The following MAP2K5 variants were observed in gnomAD, a reference collection of about 807,000 sequenced individuals.
MAP2K5 encodes mitogen-activated protein kinase kinase 5, also known as dual specificity mitogen-activated protein kinase kinase 5.
A neutral mutation model predicts 83.1 loss-of-function variants in MAP2K5; 49 were observed. The ratio of observed to expected loss-of-function variants is 0.59; its 90% CI spans 0.47 to 0.75. The LOEUF is 0.75. Among genes scored for constraint, MAP2K5 ranks in the 30% least tolerant of loss-of-function variants. The pLI, the probability that MAP2K5 is intolerant of heterozygous loss-of-function variation, is 0.00. For synonymous variants in MAP2K5, 202 were observed against 191.8 expected (o/e 1.05, Z -0.44); for missense variants, 457 against 557.5 (o/e 0.82, Z 1.82).
intron 7 of MAP2K5, among the ~76,000 whole-genome samples, chr15:67,599,448 A>T (rs929936543): frequency 1.3e-5 from 2 of 152,172 alleles, no homozygotes; most frequent in Non-Finnish European, 2.9e-5. Flanking sequence ...CCTGCATTGT[A>T]CTCCTAATTA....
At chr15:67,687,992 G>A (rs2087999219) in intron 13 of MAP2K5, among the ~76,000 whole-genome samples, 1 of 152,140 alleles carries the variant, frequency 6.6e-6, no homozygotes. Flanking sequence ...ATCTGAGCTG[G>A]GGGGTATTGC....
At chr15:67,686,642 T>TAATAATAATAATAATAATAAC (rs869154734) in intron 13 of MAP2K5, among the ~76,000 whole-genome samples, 3 of 124,856 alleles carry the variant, frequency 2.4e-5, no homozygotes, top group African/African-American at 5.9e-5. Context: ...ATAATAATAA[T>TAATAATAATAATAATAATAAC]AACATGTTGT....
At chr15:67,788,971 CAAA>C (rs58657384) in intron 21 of MAP2K5, among the ~76,000 whole-genome samples, 122 of 129,508 alleles carry the variant, frequency 9.4e-4, no homozygotes, top group East Asian at 3.2e-3. Flanking sequence ...GACCCTGTCT[CAAA>C]AAAAAAAAAA....
chr15:67,560,253 G>A (rs781584953), intron 2 of MAP2K5, among the ~76,000 whole-genome samples: 5 of 152,224 alleles, frequency 3.3e-5, no homozygotes, highest in African/African-American at 7.2e-5. Flanking sequence ...CCATCAAGGG[G>A]TCAGAGACAG....
chr15:67,674,521 A>G (rs138089792), intron 13 of MAP2K5, among the ~76,000 whole-genome samples: 1 of 152,322 alleles, frequency 6.6e-6, no homozygotes, highest in East Asian at 1.9e-4. Context: ...CTCTGACTCT[A>G]GGTTGTTGGT....
intron 8 of MAP2K5, among the ~76,000 whole-genome samples, chr15:67,611,464 A>G (rs763077003): frequency 3.3e-5 from 5 of 152,172 alleles, no homozygotes; most frequent in Non-Finnish European, 5.9e-5. Flanking sequence ...TGGAGTCTCA[A>G]GTGAAATGTT....
At chr15:67,685,081 T>G (rs139820111) in intron 13 of MAP2K5, among the ~76,000 whole-genome samples, 1 of 152,190 alleles carries the variant, frequency 6.6e-6, no homozygotes, top group Non-Finnish European at 1.5e-5. Flanking sequence ...TGGTGAAGCC[T>G]GTAAGTCCAC....
intron 8 of MAP2K5, among the ~76,000 whole-genome samples, chr15:67,601,025 A>AT (rs948362545): frequency 6.6e-6 from 1 of 151,852 alleles, no homozygotes; most frequent in Non-Finnish European, 1.5e-5. Flanking sequence ...AGTTTAATGC[A>AT]TTTTTTTCCT....
chr15:67,800,151 C>T (rs188133731), intron 21 of MAP2K5, among the ~76,000 whole-genome samples: 1 of 152,318 alleles, frequency 6.6e-6, no homozygotes, highest in East Asian at 1.9e-4. Flanking sequence ...GTCAGCAATT[C>T]AGCAGACAGT....
chr15:67,600,005 A>G (rs1358121185), intron 7 of MAP2K5, among the ~76,000 whole-genome samples: 2 of 152,142 alleles, frequency 1.3e-5, no homozygotes, highest in Non-Finnish European at 2.9e-5. Flanking sequence ...TTATATATAA[A>G]GTTACGAAAA....
rs1373601949 is a variant in MAP2K5 at position 67,758,910 on chromosome 15, G to A, written c.1134+10309G>A. Reference sequence around the variant, plus strand: ...AAAGGAAGAGGTTTTTTATACAGCTGTGAAAGAAGACAACTTAGCATTGCA... The same window carrying A: ...AAAGGAAGAGGTTTTTTATACAGCTATGAAAGAAGACAACTTAGCATTGCA... On this transcript the variant is annotated intron_variant, in intron 19 of 21. Coordinates refer to ENST00000178640, the MANE Select transcript of MAP2K5 (RefSeq NM_145160.3). This position sits in a 1 kb window ranked among gnomAD's most constrained non-coding sequence, Gnocchi z 4.7. 6.6e-6 allele frequency among the ~76,000 whole-genome samples: 1 copy of A among 152,158 alleles called. No individual in the cohort carries two copies. Among genetic ancestry groups the A allele is most frequent in the African/African-American group, 2.4e-5 (1 of 41,424 alleles).
intron 16 of MAP2K5, among the ~76,000 whole-genome samples, chr15:67,725,739 G>A (rs997806932): frequency 2.6e-5 from 4 of 152,200 alleles, no homozygotes; most frequent in South Asian, 2.1e-4. Context: ...ACAGATCACT[G>A]TGATACCTGT....
intron 7 of MAP2K5, among the ~76,000 whole-genome samples, chr15:67,598,549 G>T: frequency 6.6e-6 from 1 of 152,186 alleles, no homozygotes; most frequent in East Asian, 1.9e-4. Context: ...CCTGTGCCCT[G>T]ACAGTGTTGG....
chr15:67,589,516 C>T (rs534472109), intron 6 of MAP2K5, among the ~76,000 whole-genome samples: 23 of 152,164 alleles, frequency 1.5e-4, no homozygotes, highest in Non-Finnish European at 2.8e-4. Flanking sequence ...ATTAAACTTT[C>T]CATCTATCTA....
At chr15:67,663,554 T>G (rs2087292862) in intron 12 of MAP2K5, among the ~76,000 whole-genome samples, 1 of 152,170 alleles carries the variant, frequency 6.6e-6, no homozygotes. Context: ...ACCCACTGCC[T>G]TATTTCATTA....
intron 11 of MAP2K5, among the ~76,000 whole-genome samples, chr15:67,648,698 C>T (rs926845506): frequency 2.6e-5 from 4 of 151,912 alleles, no homozygotes; most frequent in Admixed American, 2.0e-4. Context: ...GATTCTCCTG[C>T]CTCAGCCTCC....
At chr15:67,554,825 A>C (rs2084591160) in intron 2 of MAP2K5, among the ~76,000 whole-genome samples, 1 of 152,256 alleles carries the variant, frequency 6.6e-6, no homozygotes, top group East Asian at 1.9e-4. Context: ...GTCCATATTC[A>C]AATGAAAATT....
At chr15:67,806,507 G>A (rs545768939) in intron 21 of MAP2K5, 139 bp from the exon 22 acceptor site, 60 of 707,534 alleles carry the variant, frequency 8.5e-5, no homozygotes, top group Admixed American at 2.0e-4. Context: ...GCCGTGAAAT[G>A]GAGCTGATAG....
At chr15:67,756,387 G>T (rs1336878742) in intron 19 of MAP2K5, among the ~76,000 whole-genome samples, 1 of 152,066 alleles carries the variant, frequency 6.6e-6, no homozygotes. Flanking sequence ...TTTTTCCCCA[G>T]CTTTACTGAG....
Sources: allele counts gnomAD v4.1 joint callset (sites outside exome capture counted in the v4.1 genomes callset), GRCh38; gene constraint gnomAD v4.1.1; non-coding constraint Gnocchi (gnomAD v3.1); transcripts MANE v1.5; gene names NCBI Gene and HGNC (gene_info 2026-07-23, HGNC 2026-07-21).